STAG2: variants seen among roughly 807,000 people sequenced by gnomAD.
STAG2 encodes the protein cohesin subunit SA-2.
In STAG2, 14 loss-of-function variants were observed where a neutral mutation model predicts 108.1. The ratio of observed to expected loss-of-function variants is 0.13; its 90% CI spans 0.09 to 0.20. The LOEUF is 0.20. Ranked by LOEUF, STAG2 falls within the 10% of genes least tolerant of loss-of-function variation. The probability of loss-of-function intolerance (pLI) is 1.00; values close to 1 mark genes in which losing one functional copy is unlikely to be tolerated. For synonymous variants in STAG2, 307 were observed against 302.7 expected, an observed-to-expected ratio of 1.01 and a Z score of -0.15; for missense variants, 440 against 940.9, an observed-to-expected ratio of 0.47 and a Z score of 6.96.
At chrX:124,067,207 C>A (rs34247771) in intron 23 of STAG2, among the ~76,000 whole-genome samples, 3,527 of 110,972 alleles carry the variant, frequency 0.032, 59 homozygotes, top group Non-Finnish European at 0.047. Context: ...GTTATATCTA[C>A]AAATGGATTT....
chrX:123,972,241 A>T (rs1602632060), intron 1 of STAG2, among the ~76,000 whole-genome samples: 2 of 102,453 alleles, frequency 2.0e-5, no homozygotes, highest in Non-Finnish European at 2.0e-5. Flanking sequence ...CCCTCTAGCT[A>T]GTTGACGTTT....
chrX:124,017,903 G>A (rs751349543), intron 1 of STAG2, among the ~76,000 whole-genome samples: 43 of 111,850 alleles, frequency 3.8e-4, no homozygotes, highest in Non-Finnish European at 1.7e-4. Context: ...GAAATAACGC[G>A]ATCATCTGTT....
At chrX:123,991,757 C>T (rs1201813225) in intron 1 of STAG2, among the ~76,000 whole-genome samples, 7 of 111,018 alleles carry the variant, frequency 6.3e-5, no homozygotes, top group East Asian at 2.8e-4. Flanking sequence ...CTCCGCCTCC[C>T]GGGTTCAAGC....
intron 11 of STAG2, 146 bp from the exon 12 acceptor site, chrX:124,050,975 C>A: frequency 2.5e-6 from 1 of 397,160 alleles, no homozygotes; most frequent in South Asian, 5.9e-5. Flanking sequence ...TTTGCATTAT[C>A]AAACATGATA....
intron 1 of STAG2, among the ~76,000 whole-genome samples, chrX:123,967,131 C>T (rs2054132477): frequency 9.1e-6 from 1 of 109,999 alleles, no homozygotes; most frequent in East Asian, 2.8e-4. Flanking sequence ...GTGATCCACC[C>T]ACCACAGCCT....
intron 1 of STAG2, among the ~76,000 whole-genome samples, chrX:124,006,852 A>G (rs1299409146): frequency 2.7e-5 from 3 of 111,578 alleles, no homozygotes; most frequent in African/African-American, 6.5e-5. Context: ...TTTGTTTGCT[A>G]ATTATCTCTT....
At chrX:124,033,848 G>A (rs2057423375) in intron 5 of STAG2, among the ~76,000 whole-genome samples, 2 of 112,147 alleles carry the variant, frequency 1.8e-5, no homozygotes, top group South Asian at 3.7e-4. Context: ...TGCAGGCTGC[G>A]AAGTTCAATA....
intron 1 of STAG2, among the ~76,000 whole-genome samples, chrX:124,007,536 A>G (rs541520929): frequency 4.5e-5 from 5 of 111,852 alleles, no homozygotes; most frequent in African/African-American, 9.7e-5. Context: ...TTGAATGAGT[A>G]TGACATTTTC....
intron 1 of STAG2, among the ~76,000 whole-genome samples, chrX:124,002,813 T>TTTC (rs1260426042): frequency 6.0e-5 from 5 of 83,831 alleles, no homozygotes; most frequent in African/African-American, 2.0e-4. Flanking sequence ...TCTTTCTTTC[T>TTTC]TTTTTTTTTT....
Position 124,031,146 on chromosome X carries a change from C to T in STAG2, c.288+21C>T, listed in dbSNP as rs372962268. The T allele has an allele frequency of 2.3e-5, 27 of 1,183,855 alleles. 1 individual carries two copies. Among genetic ancestry groups the T allele is most frequent in the Non-Finnish European group, 1.8e-5 (16 of 882,550 alleles). On this transcript the variant is annotated intron_variant, in intron 5 of 34. Transcript: ENST00000371145. ...TGCAGGTAAGATTTATGTTGTTCTT[C>T]CCAGTTCATTTGTACATTTTAAACT...
chrX:124,035,365 TAATG>T (rs1423003864), intron 5 of STAG2, among the ~76,000 whole-genome samples: 2 of 112,146 alleles, frequency 1.8e-5, no homozygotes, highest in African/African-American at 6.5e-5. Context: ...TACTTGATCT[TAATG>T]AATTACTTTT....
rs758744798 is a variant in STAG2 at position 124,031,655 on chromosome X, T to C, written c.288+530T>C. On this transcript the variant is annotated intron_variant, in intron 5 of 34. Coordinates refer to ENST00000371145, the MANE Select transcript of STAG2 (RefSeq NM_001042750.2). ...CTTGTCTCAAACTCCTAGCCTCAAG[T>C]AATCTGCCCTCCTTGGCCTCCCAAA... Among the ~76,000 whole-genome samples, 155 of 109,358 alleles carry C rather than the reference T, an allele frequency of 1.4e-3. 2 individuals carry two copies. The highest frequency in any genetic ancestry group is 5.1e-3 in the African/African-American group (154 of 30,125). The allele number at this position is 109,358 out of a possible 115,157, so 95.0% of individuals were successfully genotyped here.
intron 34 of STAG2, among the ~76,000 whole-genome samples, chrX:124,096,824 C>G (rs758808148): frequency 8.9e-6 from 1 of 112,019 alleles, no homozygotes; most frequent in Non-Finnish European, 1.9e-5. Flanking sequence ...ACCTCATAAT[C>G]TGCTTTCAGA....
intron 2 of STAG2, among the ~76,000 whole-genome samples, 158 bp from the exon 3 acceptor site, chrX:124,022,370 CAAA>C (rs5903652): frequency 3.1e-4 from 24 of 78,580 alleles, no homozygotes; most frequent in Admixed American, 5.8e-4. Context: ...GACTGTGTCT[CAAA>C]AAAAAAAAAA....
chrX:124,009,421 AGG>A (rs1186333780), intron 1 of STAG2, among the ~76,000 whole-genome samples: 4 of 82,891 alleles, frequency 4.8e-5, no homozygotes, highest in Non-Finnish European at 7.4e-5. Context: ...GTAGGTAGGT[AGG>A]TAGGTAGGTA....
At chrX:124,077,898 G>A in intron 26 of STAG2, 59 bp from the exon 27 acceptor site, 2 of 796,611 alleles carry the variant, frequency 2.5e-6, no homozygotes, top group East Asian at 3.7e-5. Flanking sequence ...CCTAAAATTT[G>A]TCTTATTGTC....
rs772818023 is a variant in STAG2, at chrX:124,051,293, A to G, written c.1117-22A>G. 4.2e-6 allele frequency: 5 copies of G among 1,177,606 alleles called. No individual in the cohort carries two copies. In the Admixed American group the frequency reaches 1.2e-4, roughly 29 times the overall value. The stretch of plus-strand genomic sequence containing the variant: ...TTTCTCTTGCTTTCCTTTTAAAAAT[A>G]TTTTAATTTTTTTGTCCTTAGGATA... On this transcript the variant is annotated intron_variant, in intron 12 of 34. Coordinates refer to ENST00000371145, the MANE Select transcript of STAG2 (RefSeq NM_001042750.2).
intron 1 of STAG2, among the ~76,000 whole-genome samples, chrX:123,986,105 A>G (rs1273309058): frequency 1.9e-5 from 2 of 105,584 alleles, no homozygotes; most frequent in Admixed American, 2.1e-4. Context: ...TATCATGTAT[A>G]TATGCATGTA....
chrX:124,063,796 T>C (rs2058447571), intron 19 of STAG2, 52 bp from the exon 20 acceptor site: 1 of 1,111,448 alleles, frequency 9.0e-7, no homozygotes. Context: ...GTAGTCACTT[T>C]ATACCTATCA....
Sources: gnomAD v4.1 joint callset for allele counts (sites outside exome capture counted in the v4.1 genomes callset) on GRCh38, gnomAD v4.1.1 for gene constraint, MANE v1.5 for transcripts, NCBI Gene and HGNC (gene_info 2026-07-23, HGNC 2026-07-21) for gene names.